Variants in KCNQ1OT1 observed in about 807,000 individuals in gnomAD.
The protein encoded by KCNQ1OT1 is KCNQ1 opposite strand/antisense transcript 1.
At chr11:2,672,082 G>A (rs1225695288) in exon 1 of KCNQ1OT1, 3 of 398,586 alleles carry the variant, frequency 7.5e-6, no homozygotes, top group African/African-American at 2.1e-5. Flanking sequence ...GGTCTGGACT[G>A]AGCAGCTGTC....
chr11:2,613,426 T>C lies in KCNQ1OT1; in HGVS notation n.86569A>G, dbSNP rs1374270840. 1 of 398,484 alleles carries C rather than the reference T, an allele frequency of 2.5e-6. No individual in the cohort carries two copies. The highest frequency in any genetic ancestry group is 4.4e-6 in the Non-Finnish European group (1 of 226,082). The allele number at this position is 398,484 out of a possible 1,614,324, so 24.7% of individuals were successfully genotyped here. ...CTGAAATCCTTGTTGCTTAACATAG[T>C]GCATAGGGTTTTCTATGGAATTCAA... is the stretch of plus-strand genomic sequence containing the variant. On this transcript the variant is annotated non_coding_transcript_exon_variant, in exon 1 of 1. Coordinates refer to ENST00000597346, the Ensembl canonical transcript of KCNQ1OT1. The surrounding 1 kb of genome is among the most constrained non-coding windows in gnomAD (Gnocchi z 4.8).
Position 2,651,525 on chromosome 11 carries a change from C to T in KCNQ1OT1, n.48470G>A. ...GTGTGAAGAACGTGAATGCTAAGGG[C>T]ATATGAGTGTGTCCCTGAGAACATG... On this transcript the variant is annotated non_coding_transcript_exon_variant, in exon 1 of 1. Transcript: ENST00000597346. This position sits in a 1 kb window ranked among gnomAD's most constrained non-coding sequence, Gnocchi z 6.1. 2.5e-6 allele frequency: 1 copy of T among 398,614 alleles called. No individual in the cohort carries two copies. The highest frequency in any genetic ancestry group is 4.4e-6 in the Non-Finnish European group (1 of 226,082). 24.7% of individuals were successfully genotyped at this position (398,614 alleles called of 1,614,324 possible).
At position 2,691,302 on chromosome 11, in the gene KCNQ1OT1, C is replaced by T. The variant is rs1850583994; in HGVS notation, n.8693G>A. Reference sequence around the variant, plus strand: ...GGAAGGAGAGCTGACAAGAAAAAGGCGATGTCTCACCCCTGAGCTACAATC... The same window carrying T: ...GGAAGGAGAGCTGACAAGAAAAAGGTGATGTCTCACCCCTGAGCTACAATC... On this transcript the variant is annotated non_coding_transcript_exon_variant, in exon 1 of 1. Transcript: ENST00000597346. The surrounding 1 kb of genome is among the most constrained non-coding windows in gnomAD (Gnocchi z 6.4). The T allele has an allele frequency of 1.0e-5, 4 of 398,476 alleles. No homozygotes were observed. The highest frequency in any genetic ancestry group is 1.3e-5 in the Non-Finnish European group (3 of 226,092). 24.7% of individuals were successfully genotyped at this position (398,476 alleles called of 1,614,324 possible). A position where few individuals can be genotyped will look rare whatever the true frequency, so the allele number is the denominator to read the frequency against.
chr11:2,614,566 G>C (rs1233459918), exon 1 of KCNQ1OT1: 2 of 398,274 alleles, frequency 5.0e-6, no homozygotes, highest in Non-Finnish European at 8.8e-6. Context: ...TATGCTATGA[G>C]TTATGGGTCC....
chr11:2,643,835 T>C, exon 1 of KCNQ1OT1: 1 of 398,600 alleles, frequency 2.5e-6, no homozygotes, highest in Non-Finnish European at 4.4e-6. Flanking sequence ...TATTTCTCCT[T>C]CATTTCTGAC....
At chr11:2,632,255 ATTAAT>A (rs1849370976) in exon 1 of KCNQ1OT1, 1 of 398,174 alleles carries the variant, frequency 2.5e-6, no homozygotes, top group Admixed American at 4.4e-5. Context: ...ACTTTGCTGA[ATTAAT>A]TTATTCAGTT....
chr11:2,630,362 C>A (rs1418362507), exon 1 of KCNQ1OT1: 2 of 397,676 alleles, frequency 5.0e-6, no homozygotes, highest in Non-Finnish European at 8.9e-6. Flanking sequence ...AAATATCAGC[C>A]AGTTATTTTC....
chr11:2,669,860 C>T lies in KCNQ1OT1; in HGVS notation n.30135G>A, dbSNP rs1014359534. 7.5e-6 allele frequency: 3 copies of T among 398,514 alleles called. No homozygotes were observed. The highest frequency in any genetic ancestry group is 6.2e-5 in the African/African-American group (3 of 48,618). 24.7% of individuals were successfully genotyped at this position (398,514 alleles called of 1,614,324 possible). On this transcript the variant is annotated non_coding_transcript_exon_variant, in exon 1 of 1. Transcript: ENST00000597346. This position sits in a 1 kb window ranked among gnomAD's most constrained non-coding sequence, Gnocchi z 5.6. Reference sequence around the variant, plus strand: ...CCATGGGATACAAATGGGGTCACAACATATGGCTGTCAGCTGCTGTCCTTA... The same window carrying T: ...CCATGGGATACAAATGGGGTCACAATATATGGCTGTCAGCTGCTGTCCTTA...
exon 1 of KCNQ1OT1, chr11:2,665,204 C>T (rs927491514): frequency 1.5e-5 from 6 of 398,588 alleles, no homozygotes; most frequent in East Asian, 3.6e-5. Context: ...ACCTTTCAGG[C>T]AGAAGCTGTC....
exon 1 of KCNQ1OT1, chr11:2,686,939 G>GAGCATGCCC (rs1042177071): frequency 2.5e-6 from 1 of 398,548 alleles, no homozygotes. Flanking sequence ...CCGTGATGCG[G>GAGCATGCCC]AGCATGCCCA....
At chr11:2,660,347 T>C in exon 1 of KCNQ1OT1, 1 of 398,504 alleles carries the variant, frequency 2.5e-6, no homozygotes, top group South Asian at 1.3e-4. Context: ...TAGGAATAAA[T>C]TTAAGAGAGA....
At chr11:2,641,039 C>A in exon 1 of KCNQ1OT1, 2 of 398,400 alleles carry the variant, frequency 5.0e-6, no homozygotes, top group Non-Finnish European at 8.8e-6. Flanking sequence ...TATATATTTA[C>A]CTCATTTTCT....
Position 2,620,973 on chromosome 11 carries a change from T to TTTTG in KCNQ1OT1, n.79018_79021dup, listed in dbSNP as rs919792946. ...GTTTTTTTTTGTCTGTTTTTTGCTT[T>TTTTG]TTTGTTTGTTTGTTTGTTTTTTGAG... On this transcript the variant is annotated non_coding_transcript_exon_variant, in exon 1 of 1. Coordinates refer to ENST00000597346, the Ensembl canonical transcript of KCNQ1OT1. This position sits in a 1 kb window ranked among gnomAD's most constrained non-coding sequence, Gnocchi z 4.5. 1.3e-5 allele frequency: 5 copies of TTTTG among 395,344 alleles called. No homozygotes were observed. Among genetic ancestry groups the TTTTG allele is most frequent in the South Asian group, 2.6e-4 (2 of 7,586 alleles). The allele number at this position is 395,344 out of a possible 1,614,324, so 24.5% of individuals were successfully genotyped here.
At chr11:2,638,812 C>G (rs1045654585) in exon 1 of KCNQ1OT1, 1 of 152,224 alleles carries the variant, frequency 6.6e-6, no homozygotes, top group African/African-American at 2.4e-5. Flanking sequence ...AGAGTGTTTT[C>G]CAACTTGGTT....
At chr11:2,648,546 A>G (rs1849702721) in exon 1 of KCNQ1OT1, 3 of 398,368 alleles carry the variant, frequency 7.5e-6, no homozygotes, top group Non-Finnish European at 1.3e-5. Flanking sequence ...TCATTCAGGA[A>G]CATGTAGTTT....
exon 1 of KCNQ1OT1, chr11:2,692,876 T>C: frequency 2.5e-6 from 1 of 398,682 alleles, no homozygotes; most frequent in Non-Finnish European, 4.4e-6. Context: ...GGCACTGTGC[T>C]GTGTAGATGC....
chr11:2,668,610 A>G lies in KCNQ1OT1; in HGVS notation n.31385T>C. 1 of 398,564 alleles carries G rather than the reference A, an allele frequency of 2.5e-6. No homozygotes were observed. The highest frequency in any genetic ancestry group is 4.4e-6 in the Non-Finnish European group (1 of 226,054). 24.7% of individuals were successfully genotyped at this position (398,564 alleles called of 1,614,324 possible). ...ACATCATTCTGTATAAATTGCCTAC[A>G]TCTTCTGCCTGTTTTATGTTTATTT... On this transcript the variant is annotated non_coding_transcript_exon_variant, in exon 1 of 1. Coordinates refer to ENST00000597346, the Ensembl canonical transcript of KCNQ1OT1. This position sits in a 1 kb window ranked among gnomAD's most constrained non-coding sequence, Gnocchi z 4.3.
At chr11:2,660,578 G>T (rs1187817703) in exon 1 of KCNQ1OT1, 1 of 398,548 alleles carries the variant, frequency 2.5e-6, no homozygotes, top group South Asian at 1.3e-4. Flanking sequence ...ACATGAACAG[G>T]CAATTCTGCA....
chr11:2,665,248 G>A lies in KCNQ1OT1; in HGVS notation n.34747C>T, dbSNP rs552338467. ...TTGAATGGGGCACAAGAGAGTCCCTGCCAGCCTCAAACTCCCTGAGCCTGT... is the reference window on the plus strand; with the variant it reads ...TTGAATGGGGCACAAGAGAGTCCCTACCAGCCTCAAACTCCCTGAGCCTGT... On this transcript the variant is annotated non_coding_transcript_exon_variant, in exon 1 of 1. Transcript: ENST00000597346. 19 of 398,572 alleles carry A rather than the reference G, an allele frequency of 4.8e-5. No homozygotes were observed. In the South Asian group the frequency reaches 2.3e-3, roughly 48 times the overall value. The allele number at this position is 398,572 out of a possible 1,614,324, so 24.7% of individuals were successfully genotyped here.
Sources: gnomAD v4.1 joint callset for allele counts on GRCh38, gnomAD v4.1.1 for gene constraint, Gnocchi (gnomAD v3.1) non-coding constraint, MANE v1.5 for transcripts, NCBI Gene and HGNC (gene_info 2026-07-23, HGNC 2026-07-21) for gene names.